The following WDFY4 variants were observed in gnomAD, a reference collection of about 807,000 sequenced individuals.
WDFY4 encodes WDFY family member 4, also known as WD repeat- and FYVE domain-containing protein 4.
A neutral mutation model predicts 351.9 loss-of-function variants in WDFY4; 169 were observed. The ratio of observed to expected loss-of-function variants is 0.48; its 90% CI spans 0.42 to 0.55. The LOEUF is 0.55. Among genes scored for constraint, WDFY4 ranks in the 20% least tolerant of loss-of-function variants. WDFY4 has a pLI of 0.00. For synonymous variants in WDFY4, 1,622 were observed against 1,574.6 expected (o/e 1.03, Z -0.71); for missense variants, 3,803 against 3,935.6 (o/e 0.97, Z 0.90).
At chr10:48,694,832 G>A (rs1359671966) in intron 1 of WDFY4, among the ~76,000 whole-genome samples, 1 of 151,986 alleles carries the variant, frequency 6.6e-6, no homozygotes, top group Non-Finnish European at 1.5e-5. Flanking sequence ...TCCACCACTG[G>A]CACCATATGT....
intron 47 of WDFY4, among the ~76,000 whole-genome samples, chr10:48,921,808 C>G (rs999468834): frequency 6.6e-6 from 1 of 151,984 alleles, no homozygotes. Flanking sequence ...ACACAAAAAT[C>G]GATAGTGCAA....
chr10:48,980,128 A>G (rs1437030956), intron 60 of WDFY4: 1 of 152,186 alleles, frequency 6.6e-6, no homozygotes, highest in African/African-American at 2.4e-5. Context: ...ACTGACTGCC[A>G]AGATTGTGAT....
At position 48,890,593 on chromosome 10, in the gene WDFY4, C is replaced by T. The variant is rs533116578; in HGVS notation, c.7182C>T (p.Phe2394=). The change falls in exon 44 of 62, where the codon TTC becomes TTT. Residue 2394 remains phenylalanine (F), a synonymous_variant. Coordinates refer to ENST00000325239, the MANE Select transcript of WDFY4 (RefSeq NM_001394531.1). ...LLDKEKVTQK[F]SLVIVQGHLV... is the part of the protein sequence containing the mutation. ...TCTCCTTCCAGGTGACGCAGAAGTT[C>T]TCCCTGGTGATTGTGCAGGGCCACC... 52 of 1,551,730 alleles carry T rather than the reference C, an allele frequency of 3.4e-5. No homozygotes were observed. In the South Asian group the frequency reaches 5.1e-4, roughly 15 times the overall value.
intron 25 of WDFY4, 63 bp downstream of exon 25, chr10:48,803,422 G>A (rs1380960377): frequency 6.6e-6 from 10 of 1,505,362 alleles, no homozygotes; most frequent in East Asian, 4.9e-5. Context: ...AACAGAGACA[G>A]GGCAGGGTGG....
chr10:48,869,624 C>G (rs984924794), intron 40 of WDFY4, among the ~76,000 whole-genome samples: 2 of 152,006 alleles, frequency 1.3e-5, no homozygotes, highest in African/African-American at 2.4e-5. Flanking sequence ...TTTGCCTTGT[C>G]CACATTATCT....
At chr10:48,840,605 C>G (rs146289033) in intron 39 of WDFY4, among the ~76,000 whole-genome samples, 1 of 152,208 alleles carries the variant, frequency 6.6e-6, no homozygotes, top group South Asian at 2.1e-4. Flanking sequence ...GAGAAGGAAG[C>G]GGGAAGGAGT....
At chr10:48,978,191 G>C in intron 59 of WDFY4, 118 bp from the exon 60 acceptor site, 2 of 927,310 alleles carry the variant, frequency 2.2e-6, no homozygotes, top group Non-Finnish European at 3.2e-6. Context: ...GTGAAAGGGG[G>C]GCCATGTGTT....
At chr10:48,856,253 C>CT (rs2069129120) in intron 39 of WDFY4, among the ~76,000 whole-genome samples, 1 of 151,968 alleles carries the variant, frequency 6.6e-6, no homozygotes, top group African/African-American at 2.4e-5. Context: ...TTTTAAAAGT[C>CT]TTTTTTGCGA....
intron 27 of WDFY4, among the ~76,000 whole-genome samples, chr10:48,806,902 G>T (rs372266601): frequency 6.6e-6 from 1 of 152,162 alleles, no homozygotes; most frequent in Admixed American, 6.5e-5. Flanking sequence ...TGAGGCTAGC[G>T]GCTACTCTAT....
chr10:48,908,558 A>G (rs1174318836), intron 47 of WDFY4, among the ~76,000 whole-genome samples: 1 of 152,092 alleles, frequency 6.6e-6, no homozygotes, highest in Non-Finnish European at 1.5e-5. Flanking sequence ...TAAGCTTGCC[A>G]TAGTGCCTCA....
chr10:48,685,754 C>G (rs962761009), intron 1 of WDFY4, among the ~76,000 whole-genome samples: 4 of 151,092 alleles, frequency 2.6e-5, no homozygotes, highest in African/African-American at 9.7e-5. Flanking sequence ...ATGCATTACC[C>G]TTTCCATGGA....
intron 1 of WDFY4, among the ~76,000 whole-genome samples, chr10:48,708,596 A>G (rs1162405323): frequency 6.6e-6 from 1 of 152,216 alleles, no homozygotes; most frequent in Non-Finnish European, 1.5e-5. Context: ...ATCCTATGTT[A>G]TGGTGTAAGT....
At chr10:48,799,591 G>A (rs1377984426) in intron 24 of WDFY4, among the ~76,000 whole-genome samples, 1 of 152,160 alleles carries the variant, frequency 6.6e-6, no homozygotes, top group Non-Finnish European at 1.5e-5. Flanking sequence ...TGGCCAACAT[G>A]GTGAAACCCT....
intron 47 of WDFY4, among the ~76,000 whole-genome samples, chr10:48,928,227 A>G (rs1207334226): frequency 6.6e-6 from 1 of 152,100 alleles, no homozygotes; most frequent in Non-Finnish European, 1.5e-5. Flanking sequence ...TACCTTCCCC[A>G]TGACCCTGGA....
At chr10:48,870,938 G>T (rs558310625) in intron 40 of WDFY4, among the ~76,000 whole-genome samples, 1 of 115,316 alleles carries the variant, frequency 8.7e-6, no homozygotes, top group Non-Finnish European at 1.8e-5. Context: ...GTGGATATGC[G>T]TTCTTTTTTT....
chr10:48,731,134 C>A lies in WDFY4; in HGVS notation c.1154C>A (p.Ala385Asp), dbSNP rs1214546294. The A allele has an allele frequency of 6.5e-6, 10 of 1,547,010 alleles. No homozygotes were observed. The highest frequency in any genetic ancestry group is 5.5e-5 in the African/African-American group (4 of 72,976). Reference sequence around the variant, plus strand: ...GGGGTGACTGTTAAGAATCTTCAGGCCTTCCAGGTCCTACAGAATGTTTTC... The same window carrying A: ...GGGGTGACTGTTAAGAATCTTCAGGACTTCCAGGTCCTACAGAATGTTTTC... Reference protein sequence around the residue: ...ASGVTVKNLQAFQVLQNVFHK... With the variant: ...ASGVTVKNLQDFQVLQNVFHK... The change falls in exon 9 of 62, where the codon GCC becomes GAC. Residue 385 changes from alanine to aspartate, a missense_variant. Coordinates refer to ENST00000325239, the MANE Select transcript of WDFY4 (RefSeq NM_001394531.1).
At chr10:48,727,091 T>G (rs929031882) in intron 6 of WDFY4, among the ~76,000 whole-genome samples, 6 of 152,188 alleles carry the variant, frequency 3.9e-5, no homozygotes, top group African/African-American at 7.2e-5. Flanking sequence ...TCATACATCC[T>G]CCCCTGCATT....
At chr10:48,848,115 C>G (rs2068838685) in intron 39 of WDFY4, among the ~76,000 whole-genome samples, 1 of 152,162 alleles carries the variant, frequency 6.6e-6, no homozygotes, top group Non-Finnish European at 1.5e-5. Flanking sequence ...TACACGTCCC[C>G]CAAAGACCCC....
At chr10:48,913,786 G>T (rs755492919) in intron 47 of WDFY4, 2 of 1,614,092 alleles carry the variant, frequency 1.2e-6, no homozygotes, top group Non-Finnish European at 1.7e-6. Context: ...TTCACAGCGC[G>T]GATGTTCTTG....
Sources: gnomAD v4.1 joint callset for allele counts (sites outside exome capture counted in the v4.1 genomes callset) on GRCh38, gnomAD v4.1.1 for gene constraint, MANE v1.5 for transcripts, NCBI Gene and HGNC (gene_info 2026-07-23, HGNC 2026-07-21) for gene names.